Variants in AURKA observed in about 807,000 individuals in gnomAD.
AURKA encodes aurora kinase A, also known as aurora 2.
Under a neutral mutation model 40.9 loss-of-function variants are expected in AURKA, and 12 were observed. That is an observed-to-expected ratio of 0.29 (90% CI 0.19 to 0.48). The LOEUF is 0.48. Ranked by LOEUF, AURKA falls within the 20% of genes least tolerant of loss-of-function variation. AURKA has a pLI of 0.99. For missense variants in AURKA, 322 were observed against 462.1 expected (o/e 0.70, Z 2.78); for synonymous variants, 170 against 164.3 (o/e 1.03, Z -0.26).
At chr20:56,378,119 T>C (rs1985172704) in intron 6 of AURKA, among the ~76,000 whole-genome samples, 1 of 152,066 alleles carries the variant, frequency 6.6e-6, no homozygotes, top group Admixed American at 6.6e-5. Flanking sequence ...GATCATGCCA[T>C]TGCACTCCAG....
At chr20:56,374,983 G>A (rs1984734066) in intron 6 of AURKA, among the ~76,000 whole-genome samples, 1 of 152,148 alleles carries the variant, frequency 6.6e-6, no homozygotes, top group African/African-American at 2.4e-5. Context: ...AGGAGGTAGA[G>A]GTTGCAGTGA....
intron 6 of AURKA, among the ~76,000 whole-genome samples, chr20:56,378,285 T>C (rs1985211500): frequency 6.6e-6 from 1 of 152,226 alleles, no homozygotes; most frequent in Admixed American, 6.5e-5. Flanking sequence ...GTTAACCAGC[T>C]GCCCCACGGA....
Position 56,383,142 on chromosome 20 carries a change from G to C in AURKA, c.409C>G (p.Arg137Gly), listed in dbSNP as rs756121188. 1.9e-6 allele frequency: 3 copies of C among 1,614,158 alleles called. No individual in the cohort carries two copies. Among genetic ancestry groups the C allele is most frequent in the Non-Finnish European group, 8.5e-7 (1 of 1,180,034 alleles). The change falls in exon 5 of 9, where the codon CGC becomes GGC. Residue 137 changes from arginine to glycine, a missense_variant. By Grantham distance (125) the Arg-to-Gly change is moderately radical. Transcript: ENST00000395915. ...CCAAACTTTCCTTTACCCAGAGGGC[G>C]ACCAATTTCAAAGTCTTCCAAAGCC... ...QWALEDFEIG[R>G]PLGKGKFGNV...
Position 56,370,580 on chromosome 20 carries a change from G to A in AURKA, c.934C>T (p.Leu312Phe). ...EGRMHDEKVD[L>F]WSLGVLCYEF... ...TAGCAAAGAACTCCAAGGCTCCAGA[G>A]ATCCACCTTCTCATCATGCATCCGA... is the stretch of plus-strand genomic sequence containing the variant. The change falls in exon 8 of 9, where the codon CTC becomes TTC. Residue 312 changes from leucine to phenylalanine, a missense_variant. By Grantham distance (22) the Leu-to-Phe change is conservative. Transcript: ENST00000395915. 6.2e-7 allele frequency: 1 copy of A among 1,614,214 alleles called. No homozygotes were observed. The highest frequency in any genetic ancestry group is 8.5e-7 in the Non-Finnish European group (1 of 1,180,044).
chr20:56,381,565 A>G lies in AURKA; in HGVS notation c.573T>C (p.Pro191=). ...AATAACCATACAGTCTAAGAATATT[A>G]GGATGCCTGCAACAAAGGATAAACA... ...EVEIQSHLRH[P]NILRLYGYFH... The change falls in exon 6 of 9, where the codon CCT becomes CCC. Residue 191 remains proline (P), a synonymous_variant. Transcript: ENST00000395915. 1 of 1,613,784 alleles carries G rather than the reference A, an allele frequency of 6.2e-7. No homozygotes were observed. Among genetic ancestry groups the G allele is most frequent in the South Asian group, 1.1e-5 (1 of 91,080 alleles).
In AURKA at chr20:56,373,397, A is replaced by G. The variant is rs746083465; in HGVS notation, c.854+11T>C. On this transcript the variant is annotated intron_variant, in intron 7 of 8. Coordinates refer to ENST00000395915, the MANE Select transcript of AURKA (RefSeq NM_198437.3). The surrounding 1 kb of genome is among the most constrained non-coding windows in gnomAD (Gnocchi z 5.0). ...GTAAACCAAACAACTTCCACCTCTA[A>G]AGTTACATACCTGGAAGATGGAGCA... The G allele has an allele frequency of 5.0e-6, 8 of 1,612,956 alleles. No homozygotes were observed. In the South Asian group the frequency reaches 7.7e-5, roughly 16 times the overall value.
At chr20:56,389,579 A>G (rs1361576887) in intron 1 of AURKA, among the ~76,000 whole-genome samples, 1 of 152,082 alleles carries the variant, frequency 6.6e-6, no homozygotes, top group Non-Finnish European at 1.5e-5. Context: ...TTCATTCTTC[A>G]GCCCAGACCT....
rs1984541132 is a variant in AURKA at position 56,373,508 on chromosome 20, C to T, written c.754G>A (p.Val252Ile). Residue 252 changes from valine (V) to isoleucine (I), a missense_variant, in exon 7 of 9, where the codon GTT becomes ATT. Physicochemically the swap from Val to Ile is conservative, Grantham distance 29. Transcript: ENST00000395915. This position sits in a 1 kb window ranked among gnomAD's most constrained non-coding sequence, Gnocchi z 5.0. ...TCTGGCTTAATGTCTCTATGAATAA[C>T]TCTCTTCGAATGACAGTAAGACAGG... Reference protein sequence around the residue: ...NALSYCHSKRVIHRDIKPENL... With the variant: ...NALSYCHSKRIIHRDIKPENL... 1 of 1,614,098 alleles carries T rather than the reference C, an allele frequency of 6.2e-7. No individual in the cohort carries two copies. The highest frequency in any genetic ancestry group is 8.5e-7 in the Non-Finnish European group (1 of 1,180,050).
intron 6 of AURKA, among the ~76,000 whole-genome samples, chr20:56,377,122 TATACAAAAA>T (rs1025969090): frequency 6.6e-6 from 1 of 151,994 alleles, no homozygotes; most frequent in African/African-American, 2.4e-5. Context: ...AGACCGTGTC[TATACAAAAA>T]ATACAAAAAT....
chr20:56,388,277 TAC>T, intron 1 of AURKA, 75 bp from the exon 2 acceptor site: 2 of 1,334,586 alleles, frequency 1.5e-6, no homozygotes, highest in Non-Finnish European at 2.2e-6. Flanking sequence ...TAGGCAGCGT[TAC>T]AGTTCCCCAA....
chr20:56,370,373 AC>A, intron 8 of AURKA, 33 bp from the exon 9 acceptor site: 1 of 1,614,088 alleles, frequency 6.2e-7, no homozygotes, highest in African/African-American at 1.3e-5. Flanking sequence ...ATATCACAAA[AC>A]ACAGGTTAGA....
rs539185994 is a variant in AURKA, at chr20:56,378,701, A to C, written c.705+2732T>G. ...AATAATGGAATATGATTTTGTGATAAACAGAAATGAACAAGCTCTCATGCC... is the reference window on the plus strand; with the variant it reads ...AATAATGGAATATGATTTTGTGATACACAGAAATGAACAAGCTCTCATGCC... On this transcript the variant is annotated intron_variant, in intron 6 of 8. Transcript: ENST00000395915. 1.1e-4 allele frequency among the ~76,000 whole-genome samples: 17 copies of C among 152,340 alleles called. No individual in the cohort carries two copies. In the East Asian group the frequency reaches 2.3e-3, roughly 21 times the overall value.
At chr20:56,385,888 C>T (rs1227070070) in intron 3 of AURKA, among the ~76,000 whole-genome samples, 4 of 152,152 alleles carry the variant, frequency 2.6e-5, no homozygotes, top group African/African-American at 9.7e-5. Context: ...GTGACCTCAC[C>T]GCAGCCTGCC....
intron 7 of AURKA, among the ~76,000 whole-genome samples, chr20:56,372,238 G>A (rs1385777390): frequency 4.6e-5 from 7 of 152,140 alleles, no homozygotes; most frequent in South Asian, 2.1e-4. Flanking sequence ...GAATTGTGAC[G>A]TAGGATTAAG....
intron 5 of AURKA, 48 bp downstream of exon 5, chr20:56,382,937 G>T (rs1477724778): frequency 1.3e-6 from 2 of 1,595,938 alleles, no homozygotes; most frequent in South Asian, 1.1e-5. Flanking sequence ...GAGGGGGAGG[G>T]GTGCAGCATT....
In AURKA at chr20:56,370,209, T is replaced by C. The variant is rs1190607914; in HGVS notation, c.1161A>G (p.Ser387=). 1.9e-6 allele frequency: 3 copies of C among 1,613,782 alleles called. No homozygotes were observed. The highest frequency in any genetic ancestry group is 1.7e-6 in the Non-Finnish European group (2 of 1,180,008). ...TGTTTTGGCAATTTGATGGTTTTGA[T>C]GAATTTGCTGTGATCCAGGGGTGTT... ...VLEHPWITAN[S]SKPSNCQNKE... Residue 387 remains serine, a synonymous_variant, in exon 9 of 9, where the codon TCA becomes TCG. Transcript: ENST00000395915.
intron 3 of AURKA, among the ~76,000 whole-genome samples, chr20:56,385,426 C>A (rs1215934284): frequency 6.6e-6 from 1 of 151,920 alleles, no homozygotes; most frequent in Non-Finnish European, 1.5e-5. Flanking sequence ...CTAAATCCAG[C>A]GTTCTACTCC....
intron 5 of AURKA, among the ~76,000 whole-genome samples, chr20:56,382,129 A>G (rs1203848582): frequency 6.6e-6 from 1 of 150,596 alleles, no homozygotes; most frequent in Non-Finnish European, 1.5e-5. Context: ...GCGCCACTGC[A>G]CTCCAGTCTG....
In AURKA at chr20:56,370,626, C is replaced by T. The variant is rs771693741; in HGVS notation, c.888G>A (p.Leu296=). The T allele has an allele frequency of 4.0e-5, 64 of 1,614,188 alleles. No individual in the cohort carries two copies. Among genetic ancestry groups the T allele is most frequent in the Non-Finnish European group, 5.3e-5 (63 of 1,180,030 alleles). The change falls in exon 8 of 9, where the codon CTG becomes CTA. Residue 296 remains leucine, a synonymous_variant. Transcript: ENST00000395915. ...RTTLCGTLDY[L]PPEMIEGRMH... ...TCCGACCTTCAATCATTTCAGGGGGCAGGTAGTCCAGGGTGCCACAGAGAG... is the reference window on the plus strand; with the variant it reads ...TCCGACCTTCAATCATTTCAGGGGGTAGGTAGTCCAGGGTGCCACAGAGAG...
Sources: allele counts gnomAD v4.1 joint callset (sites outside exome capture counted in the v4.1 genomes callset), GRCh38; gene constraint gnomAD v4.1.1; non-coding constraint Gnocchi (gnomAD v3.1); transcripts MANE v1.5; gene names NCBI Gene and HGNC (gene_info 2026-07-23, HGNC 2026-07-21).